Variants in NR3C1 observed in about 807,000 individuals in gnomAD.
NR3C1 encodes glucocorticoid receptor.
A neutral mutation model predicts 74.0 loss-of-function variants in NR3C1; 14 were observed. The ratio of observed to expected loss-of-function variants is 0.19; its 90% confidence interval spans 0.12 to 0.30. NR3C1 has a LOEUF of 0.30. Among genes scored for constraint, NR3C1 ranks in the 10% least tolerant of loss-of-function variants. The pLI is 1.00. For missense variants in NR3C1, 695 were observed against 909.8 expected (o/e 0.76, Z 3.04); for synonymous variants, 308 against 332.5 (o/e 0.93, Z 0.80).
chr5:143,408,007 T>C (rs1841171025), upstream of NR3C1, among the ~76,000 whole-genome samples: 1 of 152,218 alleles, frequency 6.6e-6, no homozygotes, highest in Non-Finnish European at 1.5e-5. Context: ...AAGAAGGAAA[T>C]AATTTTAAGA....
rs1385279556 is a variant in NR3C1, at chr5:143,400,360, G to A, written c.480C>T (p.His160=). 2 of 1,614,062 alleles carry A rather than the reference G, an allele frequency of 1.2e-6. No individual in the cohort carries two copies. Among genetic ancestry groups the A allele is most frequent in the Non-Finnish European group, 1.7e-6 (2 of 1,180,042 alleles). ...APTEKEFPKT[H]SDVSSEQQHL... The stretch of plus-strand genomic sequence containing the variant: ...GTTGCTGTTCTGAAGATACATCAGA[G>A]TGAGTTTTTGGAAACTCCTTCTCTG... Residue 160 remains histidine, a synonymous_variant, in exon 2 of 9, where the codon CAC becomes CAT. Coordinates refer to ENST00000394464, the MANE Select transcript of NR3C1 (RefSeq NM_000176.3).
At chr5:143,411,217 T>C (rs1415852940) in intron 1 of NR3C1, among the ~76,000 whole-genome samples, 2 of 152,172 alleles carry the variant, frequency 1.3e-5, no homozygotes, top group South Asian at 2.1e-4. Flanking sequence ...ACTATAGAAA[T>C]TGGGAAACAT....
chr5:143,428,397 C>A (rs1405662216), intron 1 of NR3C1, among the ~76,000 whole-genome samples: 1 of 152,186 alleles, frequency 6.6e-6, no homozygotes, highest in Non-Finnish European at 1.5e-5. Context: ...AGGTCATACC[C>A]TTTTCTAAAA....
intron 7 of NR3C1, among the ~76,000 whole-genome samples, chr5:143,286,178 T>C (rs1814430707): frequency 6.6e-6 from 1 of 152,108 alleles, no homozygotes; most frequent in African/African-American, 2.4e-5. Flanking sequence ...ATAAACATAT[T>C]ATCAGTAAAC....
chr5:143,403,418 C>T lies in NR3C1; in HGVS notation c.-221G>A, dbSNP rs988091560. The T allele has an allele frequency of 3.0e-5, 29 of 981,728 alleles. No homozygotes were observed. The highest frequency in any genetic ancestry group is 6.3e-5 in the Admixed American group (1 of 15,908). The allele number at this position is 981,728 out of a possible 1,614,324, so 60.8% of individuals were successfully genotyped here. A position where few individuals can be genotyped will look rare whatever the true frequency, so the allele number is the denominator to read the frequency against. On this transcript the variant is annotated 5_prime_UTR_variant, in exon 1 of 9. Transcript: ENST00000394464. ...CCCATTGCCCAGCTGACAAGCCAGC[C>T]CTCCGCCCCGCGCCGGGCTCCGCGG... is the stretch of plus-strand genomic sequence containing the variant.
chr5:143,278,696 A>G lies in NR3C1; in HGVS notation c.*3193T>C, dbSNP rs1281105550. 1 of 152,220 alleles carries G rather than the reference A, an allele frequency of 6.6e-6. No individual in the cohort carries two copies. Among genetic ancestry groups the G allele is most frequent in the East Asian group, 1.9e-4 (1 of 5,202 alleles). 9.4% of individuals were successfully genotyped at this position (152,220 alleles called of 1,614,324 possible). A position where few individuals can be genotyped will look rare whatever the true frequency, so the allele number is the denominator to read the frequency against. ...GAAGTTTGACAGATCAATGTATTGT[A>G]TAACAATATTTTTCATTCCATGGTG... On this transcript the variant is annotated 3_prime_UTR_variant, in exon 9 of 9. Coordinates refer to ENST00000394464, the MANE Select transcript of NR3C1 (RefSeq NM_000176.3).
In NR3C1 at chr5:143,333,178, A is replaced by G. The variant is rs1455996159; in HGVS notation, c.1185-19010T>C. On this transcript the variant is annotated intron_variant, in intron 2 of 8. Coordinates refer to ENST00000394464, the MANE Select transcript of NR3C1 (RefSeq NM_000176.3). ...AAAAATAGAGTGGGCTTCCTCAAGG[A>G]GATGGGCACACCTGGCTATCGGGGT... 9.5e-6 allele frequency: 15 copies of G among 1,576,386 alleles called. No homozygotes were observed. The Admixed American group carries it at 2.2e-4, about 23-fold the overall frequency.
Position 143,309,997 on chromosome 5 carries a change from A to G in NR3C1, c.1468+100T>C, listed in dbSNP as rs61753485. 4 of 897,106 alleles carry G rather than the reference A, an allele frequency of 4.5e-6. No homozygotes were observed. The African/African-American group carries it at 6.5e-5, about 15-fold the overall frequency. 55.6% of individuals were successfully genotyped at this position (897,106 alleles called of 1,614,324 possible). On this transcript the variant is annotated intron_variant, in intron 4 of 8. Coordinates refer to ENST00000394464, the MANE Select transcript of NR3C1 (RefSeq NM_000176.3). ...AGTCAAGCATATATATACTGAACTG[A>G]CTACATTAATTACATCTGCTTACGT...
intron 1 of NR3C1, among the ~76,000 whole-genome samples, chr5:143,417,097 CT>C (rs1750946041): frequency 1.3e-5 from 2 of 151,972 alleles, no homozygotes. Context: ...TTGATCCAGC[CT>C]TTTGTTTTAT....
At chr5:143,394,290 T>C (rs1356776215) in intron 2 of NR3C1, among the ~76,000 whole-genome samples, 1 of 152,054 alleles carries the variant, frequency 6.6e-6, no homozygotes, top group Non-Finnish European at 1.5e-5. Context: ...ACACTTTCAT[T>C]CAAAATACTG....
chr5:143,317,610 T>G (rs184712969), intron 2 of NR3C1, among the ~76,000 whole-genome samples: 1 of 152,254 alleles, frequency 6.6e-6, no homozygotes, highest in African/African-American at 2.4e-5. Context: ...TGAGTTTATG[T>G]TAGAGTTCAG....
chr5:143,403,099 CGAG>C, intron 1 of NR3C1, 109 bp downstream of exon 1: 1 of 922,194 alleles, frequency 1.1e-6, no homozygotes, highest in Non-Finnish European at 1.3e-6. Flanking sequence ...CCCCACTCCC[CGAG>C]GCTAATAAAA....
chr5:143,402,759 G>A (rs1299365650), intron 1 of NR3C1: 4 of 985,268 alleles, frequency 4.1e-6, no homozygotes, highest in Non-Finnish European at 1.2e-6. Context: ...CCCGGAGCCC[G>A]GGCTCGCGCT....
chr5:143,278,154 T>C lies in NR3C1; in HGVS notation c.*3735A>G, dbSNP rs773429474. On this transcript the variant is annotated 3_prime_UTR_variant, in exon 9 of 9. Transcript: ENST00000394464. ...CTTTTTTTTTAACTACAGATTATTA[T>C]TCAGCATGAATAAAAAACTACAACT... The C allele has an allele frequency of 1.3e-5, 2 of 152,172 alleles. No homozygotes were observed. The highest frequency in any genetic ancestry group is 2.9e-5 in the Non-Finnish European group (2 of 68,018). The allele number at this position is 152,172 out of a possible 1,614,324, so 9.4% of individuals were successfully genotyped here.
chr5:143,363,670 A>T (rs1369737750), intron 2 of NR3C1, among the ~76,000 whole-genome samples: 1 of 152,180 alleles, frequency 6.6e-6, no homozygotes, highest in Non-Finnish European at 1.5e-5. Context: ...ATAAAACAGT[A>T]TCTCATTAAA....
In NR3C1 at chr5:143,400,439, C is replaced by T; in HGVS notation, c.401G>A (p.Ser134Asn). The change falls in exon 2 of 9, where the codon AGT becomes AAT. Residue 134 changes from serine to asparagine, a missense_variant. Ser to Asn is a conservative substitution (Grantham distance 46). Transcript: ENST00000394464. The stretch of plus-strand genomic sequence containing the variant: ...TGAACTCTTGGGGTTCTCTGGAACA[C>T]TGGTCGACCTATTGAGGTTTGCAAT... ...ESIANLNRST[S>N]VPENPKSSAS... 6.2e-7 allele frequency: 1 copy of T among 1,614,210 alleles called. No individual in the cohort carries two copies. The highest frequency in any genetic ancestry group is 8.5e-7 in the Non-Finnish European group (1 of 1,180,044).
intron 2 of NR3C1, among the ~76,000 whole-genome samples, chr5:143,336,104 A>T (rs1827073537): frequency 6.6e-6 from 1 of 152,342 alleles, no homozygotes; most frequent in African/African-American, 2.4e-5. Context: ...TTAAACACTT[A>T]GTCCATTGAG....
At chr5:143,364,247 T>C (rs1158365998) in intron 2 of NR3C1, among the ~76,000 whole-genome samples, 1 of 152,232 alleles carries the variant, frequency 6.6e-6, no homozygotes, top group Admixed American at 6.5e-5. Flanking sequence ...ATATTCATAA[T>C]GCTGAAAGAA....
exon 1 of NR3C1, chr5:143,434,916 G>A: frequency 1.0e-6 from 1 of 985,022 alleles, no homozygotes; most frequent in Non-Finnish European, 1.2e-6. Flanking sequence ...TTTCAGAAGT[G>A]AAGAAAATTT....
Sources: gnomAD v4.1 joint callset for allele counts (sites outside exome capture counted in the v4.1 genomes callset) on GRCh38, gnomAD v4.1.1 for gene constraint, MANE v1.5 for transcripts, NCBI Gene and HGNC (gene_info 2026-07-23, HGNC 2026-07-21) for gene names.